Variants in MAGEA11 observed in about 807,000 individuals in gnomAD.
MAGEA11 encodes MAGE family member A11, also known as melanoma-associated antigen 11.
A neutral mutation model predicts 8.4 loss-of-function variants in MAGEA11; 1 was observed. The observed-to-expected ratio is 0.12, with a 90% CI of 0.04 to 0.57. The LOEUF is 0.57. Ranked by LOEUF, MAGEA11 falls within the 20% of genes least tolerant of loss-of-function variation. The pLI is 0.91. For missense variants in MAGEA11, 209 were observed against 317.3 expected, an observed-to-expected ratio of 0.66 and a Z score of 2.59; for synonymous variants, 127 against 119.3, an observed-to-expected ratio of 1.06 and a Z score of -0.42.
chrX:149,690,203 G>A (rs1224431200), intron 1 of MAGEA11, among the ~76,000 whole-genome samples: 5 of 112,645 alleles, frequency 4.4e-5, no homozygotes, highest in Admixed American at 9.4e-5. Context: ...CTCTGCTTCC[G>A]CACATGGTGC....
chrX:149,708,859 G>A (rs1348401794), upstream of MAGEA11, among the ~76,000 whole-genome samples: 2 of 110,923 alleles, frequency 1.8e-5, no homozygotes, highest in African/African-American at 3.3e-5. Flanking sequence ...GAAGATTTTT[G>A]ATGCTGAATA....
upstream of MAGEA11, chrX:149,688,809 A>G (rs2090298721): frequency 3.1e-6 from 1 of 324,049 alleles, no homozygotes; most frequent in Non-Finnish European, 5.7e-6. Context: ...TCTCTTGATC[A>G]CTGTAGTAAT....
intron 1 of MAGEA11, among the ~76,000 whole-genome samples, chrX:149,698,465 T>A (rs1310351447): frequency 8.9e-6 from 1 of 111,847 alleles, no homozygotes; most frequent in Non-Finnish European, 1.9e-5. Flanking sequence ...GAGACAAATC[T>A]CAATAATGAT....
chrX:149,695,276 C>G (rs140098081), intron 1 of MAGEA11, among the ~76,000 whole-genome samples: 1 of 111,079 alleles, frequency 9.0e-6, no homozygotes, highest in South Asian at 3.9e-4. Flanking sequence ...AATAATGTGA[C>G]AATTTCAACT....
chrX:149,691,831 G>T (rs1489383090), intron 1 of MAGEA11, among the ~76,000 whole-genome samples: 1 of 112,901 alleles, frequency 8.9e-6, no homozygotes. Flanking sequence ...CCTCCAGGCA[G>T]TAAGCTAAGG....
chrX:149,695,005 C>T (rs145957041), intron 1 of MAGEA11, among the ~76,000 whole-genome samples: 3,361 of 111,837 alleles, frequency 0.03, 70 homozygotes, highest in Middle Eastern at 0.06. Context: ...CAGGCATGAG[C>T]CACCACACCC....
chrX:149,706,196 G>C (rs781879545), intron 1 of MAGEA11, among the ~76,000 whole-genome samples: 5 of 111,943 alleles, frequency 4.5e-5, no homozygotes, highest in Non-Finnish European at 9.4e-5. Flanking sequence ...TTGGTAACAA[G>C]AAAGCCTTAC....
intron 1 of MAGEA11, among the ~76,000 whole-genome samples, chrX:149,695,669 G>A (rs2090327778): frequency 8.9e-6 from 1 of 112,056 alleles, no homozygotes; most frequent in Non-Finnish European, 1.9e-5. Flanking sequence ...TAGTCACTAG[G>A]GAAATGCGAG....
chrX:149,703,775 G>A (rs2090363945), intron 1 of MAGEA11, among the ~76,000 whole-genome samples: 1 of 111,826 alleles, frequency 8.9e-6, no homozygotes, highest in African/African-American at 3.2e-5. Flanking sequence ...AAATATGGGG[G>A]AAGGTACATC....
At chrX:149,702,296 T>A in intron 1 of MAGEA11, among the ~76,000 whole-genome samples, 1 of 111,864 alleles carries the variant, frequency 8.9e-6, no homozygotes, top group Admixed American at 9.5e-5. Flanking sequence ...ATTGTTGAAT[T>A]ATTTATTTCT....
intron 1 of MAGEA11, among the ~76,000 whole-genome samples, chrX:149,706,038 C>G (rs2090375781): frequency 8.9e-6 from 1 of 112,091 alleles, no homozygotes; most frequent in South Asian, 3.7e-4. Flanking sequence ...TCTGGAAGCA[C>G]TCGGTTCATG....
At chrX:149,688,808 C>A, upstream of MAGEA11, 1 of 324,880 alleles carries the variant, frequency 3.1e-6, no homozygotes, top group Non-Finnish European at 5.8e-6. Flanking sequence ...TTCTCTTGAT[C>A]ACTGTAGTAA....
upstream of MAGEA11, among the ~76,000 whole-genome samples, chrX:149,709,762 A>G (rs2090391736): frequency 8.9e-6 from 1 of 112,403 alleles, no homozygotes; most frequent in African/African-American, 3.2e-5. Context: ...TGGATACAGA[A>G]AAATATTTTG....
intron 1 of MAGEA11, among the ~76,000 whole-genome samples, chrX:149,699,419 C>G (rs1177160996): frequency 8.9e-6 from 1 of 111,923 alleles, no homozygotes; most frequent in African/African-American, 3.3e-5. Context: ...TTGACTAAAA[C>G]TGCATTGCCT....
chrX:149,698,664 C>T (rs782625413), intron 1 of MAGEA11, among the ~76,000 whole-genome samples: 1 of 111,221 alleles, frequency 9.0e-6, no homozygotes, highest in Non-Finnish European at 1.9e-5. Flanking sequence ...TGATGCGTAC[C>T]TCTTTGTTCT....
chrX:149,713,445 C>T (rs782683148), intron 2 of MAGEA11, 190 bp downstream of exon 2: 2 of 369,466 alleles, frequency 5.4e-6, no homozygotes, highest in East Asian at 9.5e-5. Flanking sequence ...AAACCTGCCC[C>T]TGCCATCGGT....
intron 1 of MAGEA11, among the ~76,000 whole-genome samples, chrX:149,712,424 C>T (rs782590219): frequency 2.7e-5 from 3 of 112,317 alleles, no homozygotes; most frequent in African/African-American, 6.5e-5. Flanking sequence ...CCACCCCATC[C>T]TGATAGAGGG....
At chrX:149,705,111 C>T (rs73606298) in intron 1 of MAGEA11, among the ~76,000 whole-genome samples, 91 of 112,513 alleles carry the variant, frequency 8.1e-4, no homozygotes, top group African/African-American at 2.8e-3. Context: ...AAAAGGAGAC[C>T]CAGGACTCCT....
At chrX:149,692,398 C>A (rs1306984320) in intron 1 of MAGEA11, among the ~76,000 whole-genome samples, 6 of 109,242 alleles carry the variant, frequency 5.5e-5, no homozygotes, top group Non-Finnish European at 7.6e-5. Context: ...CAGAGTGAGA[C>A]CCTGTCTCAA....
Sources: allele counts gnomAD v4.1 joint callset (sites outside exome capture counted in the v4.1 genomes callset), GRCh38; gene constraint gnomAD v4.1.1; transcripts MANE v1.5; gene names NCBI Gene and HGNC (gene_info 2026-07-23, HGNC 2026-07-21).